The following DRC11 variants were observed in gnomAD, a reference collection of about 807,000 sequenced individuals.
DRC11 encodes the protein dynein regulatory complex subunit 11.
chr2:236,313,955 G>A, the DRC11 span, among the ~76,000 whole-genome samples: 3 of 152,322 alleles, frequency 2.0e-5, no homozygotes, highest in Non-Finnish European at 4.4e-5. The surrounding 1 kb of genome is among the most constrained non-coding windows in gnomAD (Gnocchi z 4.5). Flanking sequence ...CAGCATGAGA[G>A]ATCCTCGTGG....
the DRC11 span, among the ~76,000 whole-genome samples, chr2:236,444,166 T>G: frequency 6.6e-6 from 1 of 152,270 alleles, no homozygotes; most frequent in East Asian, 1.9e-4. Context: ...GATAGTTTCT[T>G]CTGCTGTGCA....
At chr2:236,425,669 T>A in the DRC11 span, among the ~76,000 whole-genome samples, 1 of 152,064 alleles carries the variant, frequency 6.6e-6, no homozygotes, top group South Asian at 2.1e-4. Flanking sequence ...TTTACTTTTG[T>A]TGCCTGTGCT....
chr2:236,324,751 T>C, the DRC11 span: 2 of 1,605,472 alleles, frequency 1.2e-6, no homozygotes, highest in African/African-American at 1.3e-5. This position sits in a 1 kb window ranked among gnomAD's most constrained non-coding sequence, Gnocchi z 5.7. Flanking sequence ...CCAAGGCACG[T>C]TTTTTACCCA....
the DRC11 span, among the ~76,000 whole-genome samples, chr2:236,429,680 T>C: frequency 6.6e-6 from 1 of 151,956 alleles, no homozygotes; most frequent in African/African-American, 2.4e-5. The surrounding 1 kb of genome is among the most constrained non-coding windows in gnomAD (Gnocchi z 5.9). Flanking sequence ...TTCAAGGAGA[T>C]GTGGTGATTT....
the DRC11 span, among the ~76,000 whole-genome samples, chr2:236,382,953 T>G: frequency 1.3e-5 from 2 of 152,176 alleles, no homozygotes; most frequent in Non-Finnish European, 2.9e-5. Context: ...CACATAATTT[T>G]CCATATTAAC....
chr2:236,388,827 C>T, the DRC11 span, among the ~76,000 whole-genome samples: 5 of 149,462 alleles, frequency 3.3e-5, no homozygotes, highest in Non-Finnish European at 4.5e-5. Context: ...TGGTGATGTA[C>T]AGATGGGTTT....
chr2:236,364,982 C>CT, the DRC11 span, among the ~76,000 whole-genome samples: 26 of 152,122 alleles, frequency 1.7e-4, no homozygotes, highest in East Asian at 4.7e-3. Context: ...ATGAGCATGC[C>CT]TTTTTTGTGG....
chr2:236,368,204 G>C, the DRC11 span: 2 of 1,605,460 alleles, frequency 1.2e-6, no homozygotes, highest in South Asian at 2.2e-5. Context: ...CTAATGGCCA[G>C]ATTCCGTACA....
chr2:236,331,198 A>G, the DRC11 span, among the ~76,000 whole-genome samples: 2 of 152,204 alleles, frequency 1.3e-5, no homozygotes, highest in Non-Finnish European at 1.5e-5. The surrounding 1 kb of genome is among the most constrained non-coding windows in gnomAD (Gnocchi z 4.8). Flanking sequence ...TACATGCTTT[A>G]CTGCCAAAAC....
At chr2:236,392,105 A>G in the DRC11 span, 1 of 1,593,320 alleles carries the variant, frequency 6.3e-7, no homozygotes, top group Non-Finnish European at 8.6e-7. This position sits in a 1 kb window ranked among gnomAD's most constrained non-coding sequence, Gnocchi z 5.1. Flanking sequence ...CTTTTAAGTC[A>G]CTTTGCATGT....
the DRC11 span, among the ~76,000 whole-genome samples, chr2:236,358,647 G>A: frequency 6.9e-6 from 1 of 145,322 alleles, no homozygotes; most frequent in Non-Finnish European, 1.5e-5. Context: ...CTGCCCTGGA[G>A]TCAGGCACAT....
At chr2:236,488,123 C>A in the DRC11 span, 1 of 1,610,794 alleles carries the variant, frequency 6.2e-7, no homozygotes, top group South Asian at 1.1e-5. Context: ...GGCGACCTTG[C>A]CGTGCCCTCT....
chr2:236,473,125 T>C, the DRC11 span, among the ~76,000 whole-genome samples: 3 of 152,198 alleles, frequency 2.0e-5, no homozygotes, highest in African/African-American at 2.4e-5. This position sits in a 1 kb window ranked among gnomAD's most constrained non-coding sequence, Gnocchi z 4.8. Context: ...GCAGCAAATA[T>C]GATGAATAAT....
the DRC11 span, among the ~76,000 whole-genome samples, chr2:236,365,088 G>C: frequency 6.6e-6 from 1 of 152,128 alleles, no homozygotes; most frequent in Non-Finnish European, 1.5e-5. This position sits in a 1 kb window ranked among gnomAD's most constrained non-coding sequence, Gnocchi z 7.4. Flanking sequence ...TTGGACACCT[G>C]GGTATGGAAG....
At chr2:236,473,114 T>C in the DRC11 span, among the ~76,000 whole-genome samples, 1 of 152,248 alleles carries the variant, frequency 6.6e-6, no homozygotes, top group African/African-American at 2.4e-5. This position sits in a 1 kb window ranked among gnomAD's most constrained non-coding sequence, Gnocchi z 4.8. Flanking sequence ...AAAGATCATC[T>C]GCAGCAAATA....
chr2:236,489,552 A>C, the DRC11 span, among the ~76,000 whole-genome samples: 1 of 152,160 alleles, frequency 6.6e-6, no homozygotes, highest in African/African-American at 2.4e-5. Context: ...GCAAGGGAAC[A>C]GGGGCTCATG....
chr2:236,373,184 C>A, the DRC11 span, among the ~76,000 whole-genome samples: 30 of 150,990 alleles, frequency 2.0e-4, no homozygotes, highest in East Asian at 5.6e-3. Context: ...GATTTGTCAC[C>A]TCATTTCTGG....
the DRC11 span, among the ~76,000 whole-genome samples, chr2:236,348,278 G>C: frequency 6.6e-6 from 1 of 152,186 alleles, no homozygotes; most frequent in African/African-American, 2.4e-5. The surrounding 1 kb of genome is among the most constrained non-coding windows in gnomAD (Gnocchi z 7.4). Context: ...GGAAATCCAG[G>C]AGAAAATGTA....
At chr2:236,353,311 T>G in the DRC11 span, among the ~76,000 whole-genome samples, 30 of 152,222 alleles carry the variant, frequency 2.0e-4, 1 homozygote, top group Non-Finnish European at 1.5e-5. The surrounding 1 kb of genome is among the most constrained non-coding windows in gnomAD (Gnocchi z 5.0). Flanking sequence ...TAAAGACAAA[T>G]TTCCACCGTG....
Sources: gnomAD v4.1 joint callset for allele counts (sites outside exome capture counted in the v4.1 genomes callset) on GRCh38, gnomAD v4.1.1 for gene constraint, Gnocchi (gnomAD v3.1) non-coding constraint, MANE v1.5 for transcripts, NCBI Gene and HGNC (gene_info 2026-07-23, HGNC 2026-07-21) for gene names.